The following AGBL1 variants were observed in gnomAD, a reference collection of about 807,000 sequenced individuals.
AGBL1 encodes AGBL carboxypeptidase 1, also known as cytosolic carboxypeptidase 4.
Under a neutral mutation model 118.9 loss-of-function variants are expected in AGBL1, and 130 were observed. The ratio of observed to expected loss-of-function variants is 1.09; its 90% CI spans 0.95 to 1.26. AGBL1 has a LOEUF of 1.26. Among genes scored for constraint, AGBL1 ranks in the 50% most tolerant of loss-of-function variants. The pLI is 0.00. For synonymous variants in AGBL1, 555 were observed against 478.9 expected, an observed-to-expected ratio of 1.16 and a Z score of -2.08; for missense variants, 1,584 against 1,298.1, an observed-to-expected ratio of 1.22 and a Z score of -3.38.
intron 18 of AGBL1, among the ~76,000 whole-genome samples, chr15:86,444,521 C>T (rs2082099322): frequency 6.6e-6 from 1 of 152,158 alleles, no homozygotes; most frequent in East Asian, 1.9e-4. Context: ...GAGCCTAGGG[C>T]CAAAAGCTAT....
intron 22 of AGBL1, among the ~76,000 whole-genome samples, chr15:86,841,937 A>G (rs754381141): frequency 6.6e-6 from 1 of 152,226 alleles, no homozygotes; most frequent in Non-Finnish European, 1.5e-5. Context: ...CAAGTTATTT[A>G]AGAATTCTCA....
intron 18 of AGBL1, among the ~76,000 whole-genome samples, chr15:86,478,240 G>A (rs1365907104): frequency 1.3e-5 from 2 of 152,122 alleles, no homozygotes; most frequent in Non-Finnish European, 2.9e-5. Flanking sequence ...AGGGCAATCA[G>A]GCAGGAGAAA....
intron 22 of AGBL1, among the ~76,000 whole-genome samples, chr15:86,681,514 T>C (rs968758210): frequency 6.6e-6 from 1 of 152,166 alleles, no homozygotes; most frequent in African/African-American, 2.4e-5. Context: ...TGGAAAGGCA[T>C]TGGCCTCCTT....
At chr15:87,019,314 T>G (rs2081638784) in intron 24 of AGBL1, among the ~76,000 whole-genome samples, 1 of 152,108 alleles carries the variant, frequency 6.6e-6, no homozygotes, top group African/African-American at 2.4e-5. Context: ...CAACAGAATA[T>G]ATATTCTTCT....
intron 5 of AGBL1, among the ~76,000 whole-genome samples, chr15:86,179,798 C>T (rs758911301): frequency 6.6e-5 from 10 of 152,058 alleles, no homozygotes; most frequent in African/African-American, 1.7e-4. Flanking sequence ...GAAATTCCAA[C>T]GGAATCTATA....
At chr15:87,009,656 A>G (rs1359609611) in intron 24 of AGBL1, among the ~76,000 whole-genome samples, 1 of 152,160 alleles carries the variant, frequency 6.6e-6, no homozygotes, top group Non-Finnish European at 1.5e-5. Flanking sequence ...CCAGCCCACA[A>G]AAGCAGCTGG....
In AGBL1 at chr15:86,554,365, T is replaced by C; in HGVS notation, c.2822T>C (p.Leu941Pro). 2 of 1,575,868 alleles carry C rather than the reference T, an allele frequency of 1.3e-6. No individual in the cohort carries two copies. Among genetic ancestry groups the C allele is most frequent in the Non-Finnish European group, 1.7e-6 (2 of 1,160,498 alleles). The change falls in exon 21 of 23, where the codon CTT (leucine) becomes CCT (proline). Residue 941 changes from leucine to proline, a missense_variant. Leu to Pro is a moderately conservative substitution (Grantham distance 98). Transcript: ENST00000614907. Reference protein sequence around the residue: ...TILEEVNYRTLPKILDKLAPA... With the variant: ...TILEEVNYRTPPKILDKLAPA... Reference sequence around the variant, plus strand: ...TGATTTTTGTTTTTACTGTAGACTCTTCCCAAAATCCTTGATAAGCTAGCA... The same window carrying C: ...TGATTTTTGTTTTTACTGTAGACTCCTCCCAAAATCCTTGATAAGCTAGCA...
chr15:86,591,648 C>A (rs2084337184), intron 21 of AGBL1, among the ~76,000 whole-genome samples: 1 of 152,120 alleles, frequency 6.6e-6, no homozygotes, highest in African/African-American at 2.4e-5. Context: ...GCTTCCATCC[C>A]CTCTCTAGGT....
At chr15:86,212,458 G>A (rs1312674481) in intron 5 of AGBL1, among the ~76,000 whole-genome samples, 2 of 152,154 alleles carry the variant, frequency 1.3e-5, no homozygotes, top group Non-Finnish European at 2.9e-5. Context: ...CTGGGAAAGG[G>A]CCAAAGGGGA....
chr15:86,892,640 G>C (rs1461547218), intron 22 of AGBL1, among the ~76,000 whole-genome samples: 1 of 152,038 alleles, frequency 6.6e-6, no homozygotes, highest in East Asian at 1.9e-4. Context: ...GAGAACAATG[G>C]CCAAGCACCT....
rs149633326 is a variant in AGBL1 at position 86,224,289 on chromosome 15, T to C, written c.489-625T>C. ...GATTGAAAAGCCACTAAGATGTGGG[T>C]CAAAAAGTATTTTTCATTCTCATAT... On this transcript the variant is annotated intron_variant, in intron 5 of 22. Coordinates refer to ENST00000614907, the MANE Select transcript of AGBL1 (RefSeq NM_001386094.1). 2.6e-4 allele frequency among the ~76,000 whole-genome samples: 39 copies of C among 152,222 alleles called. No individual in the cohort carries two copies. In the East Asian group the frequency reaches 7.5e-3, roughly 29 times the overall value.
intron 19 of AGBL1, among the ~76,000 whole-genome samples, chr15:86,528,415 C>T (rs957535157): frequency 2.0e-5 from 3 of 152,268 alleles, no homozygotes; most frequent in South Asian, 2.1e-4. Flanking sequence ...TAAAAAACGG[C>T]GCACCACGAG....
At chr15:86,689,287 G>T (rs1025319647) in intron 22 of AGBL1, among the ~76,000 whole-genome samples, 1 of 152,036 alleles carries the variant, frequency 6.6e-6, no homozygotes, top group African/African-American at 2.4e-5. Context: ...ATCTCAGCAA[G>T]ACTTTTCATG....
intron 5 of AGBL1, among the ~76,000 whole-genome samples, chr15:86,206,761 G>A (rs989410189): frequency 4.6e-5 from 7 of 152,276 alleles, no homozygotes; most frequent in Non-Finnish European, 8.8e-5. Flanking sequence ...TCTGTAGGTT[G>A]CCTGTTCACT....
intron 22 of AGBL1, among the ~76,000 whole-genome samples, chr15:86,681,844 A>G (rs9783726): frequency 0.54 from 81,749 of 151,896 alleles, 22,836 homozygotes; most frequent in Non-Finnish European, 0.62. Flanking sequence ...TAAGGAGAGC[A>G]GGCATGGAGA....
At chr15:86,829,855 G>T (rs543251556) in intron 22 of AGBL1, among the ~76,000 whole-genome samples, 1 of 151,938 alleles carries the variant, frequency 6.6e-6, no homozygotes, top group African/African-American at 2.4e-5. Context: ...AACTAGTTGC[G>T]TGCATTTGTT....
rs1434565593 is a variant in AGBL1 at position 86,264,607 on chromosome 15, G to A, written c.1436G>A (p.Ser479Asn). 1.2e-6 allele frequency: 2 copies of A among 1,613,818 alleles called. No individual in the cohort carries two copies. The highest frequency in any genetic ancestry group is 2.2e-5 in the East Asian group (1 of 44,892). ...GATGCAATTTTCTGCCCAAGGATGA[G>A]TGCCTCCTTTTCTAATTCCACTAGG... ...DVDAIFCPRM[S>N]ASFSNSTRTR... Residue 479 changes from serine to asparagine, a missense_variant, in exon 11 of 23, where the codon AGT becomes AAT. Coordinates refer to ENST00000614907, the MANE Select transcript of AGBL1 (RefSeq NM_001386094.1).
chr15:86,678,529 G>T (rs2085890463), intron 22 of AGBL1, among the ~76,000 whole-genome samples: 1 of 151,766 alleles, frequency 6.6e-6, no homozygotes, highest in African/African-American at 2.4e-5. Context: ...TTTAATTTCT[G>T]TGTTAAAGGT....
rs2080377842 is a variant in AGBL1, at chr15:86,913,363, T to C, written c.*6069T>C. ...TCACACAGATGTCAAGATGAAGGCC[T>C]TTTGGGCAGAAGACGGGACTCATCT... On this transcript the variant is annotated 3_prime_UTR_variant, in exon 23 of 23. Coordinates refer to ENST00000614907, the MANE Select transcript of AGBL1 (RefSeq NM_001386094.1). 6.6e-6 allele frequency: 1 copy of C among 152,192 alleles called. No homozygotes were observed. The highest frequency in any genetic ancestry group is 1.5e-5 in the Non-Finnish European group (1 of 68,056). The allele number at this position is 152,192 out of a possible 1,614,324, so 9.4% of individuals were successfully genotyped here.
Sources: allele counts gnomAD v4.1 joint callset (sites outside exome capture counted in the v4.1 genomes callset), GRCh38; gene constraint gnomAD v4.1.1; transcripts MANE v1.5; gene names NCBI Gene and HGNC (gene_info 2026-07-23, HGNC 2026-07-21).